OXR1: variants seen among roughly 807,000 people sequenced by gnomAD.
The protein encoded by OXR1 is oxidation resistance protein 1.
OXR1 carries 41 observed loss-of-function variants against 104.6 expected under a neutral mutation model. The ratio of observed to expected loss-of-function variants is 0.39; its 90% confidence interval spans 0.31 to 0.51. The LOEUF (loss-of-function observed/expected upper bound fraction) is 0.51, where lower values mean the gene tolerates loss of function less well. OXR1 is among the 20% of genes least tolerant of loss of function. The pLI is 0.77. For synonymous variants in OXR1, 348 were observed against 348.4 expected (o/e 1.00, Z 0.01); for missense variants, 955 against 1,031.9 (o/e 0.93, Z 1.02).
rs371690690 is a variant in OXR1, at chr8:106,645,518, AG to A, written c.221-33690del. Among the ~76,000 whole-genome samples, 595 of 152,316 alleles carry A rather than the reference AG, an allele frequency of 3.9e-3. 4 individuals carry two copies. The highest frequency in any genetic ancestry group is 0.013 in the African/African-American group (555 of 41,544). On this transcript the variant is annotated intron_variant, in intron 3 of 16. Coordinates refer to ENST00000517566, the MANE Select transcript of OXR1 (RefSeq NM_001198533.2). ...TATATTGCTGTGTCTACTGTTCTCTAGGAAGACTTGAGAATTTAGAGTAGAT... is the reference window on the plus strand; with the variant it reads ...TATATTGCTGTGTCTACTGTTCTCTAGAAGACTTGAGAATTTAGAGTAGAT...
At chr8:106,312,360 T>C (rs2130137022) in intron 1 of OXR1, among the ~76,000 whole-genome samples, 1 of 152,348 alleles carries the variant, frequency 6.6e-6, no homozygotes, top group East Asian at 1.9e-4. Context: ...AAGAGTGTCC[T>C]CAGGGTATGG....
intron 2 of OXR1, among the ~76,000 whole-genome samples, chr8:106,404,087 T>C (rs4734913): frequency 0.29 from 44,091 of 151,886 alleles, 6,552 homozygotes; most frequent in South Asian, 0.39. Context: ...GGTTTTCAGA[T>C]GGGGGTGGAA....
At chr8:106,289,555 A>C (rs1461046585) in intron 1 of OXR1, among the ~76,000 whole-genome samples, 1 of 152,216 alleles carries the variant, frequency 6.6e-6, no homozygotes, top group Non-Finnish European at 1.5e-5. Context: ...CATGGATTGG[A>C]AGAATCAATT....
At chr8:106,721,328 G>A (rs1051936374) in intron 11 of OXR1, among the ~76,000 whole-genome samples, 5 of 151,872 alleles carry the variant, frequency 3.3e-5, no homozygotes, top group African/African-American at 1.2e-4. Context: ...AAAGTATCCA[G>A]TTCTCCTAGG....
intron 2 of OXR1, among the ~76,000 whole-genome samples, chr8:106,396,687 CA>C (rs570694879): frequency 6.6e-6 from 1 of 151,862 alleles, no homozygotes; most frequent in Non-Finnish European, 1.5e-5. Flanking sequence ...TAGGTTGGTG[CA>C]AAAGTAATTG....
intron 3 of OXR1, among the ~76,000 whole-genome samples, chr8:106,635,990 G>A (rs551691929): frequency 2.2e-4 from 33 of 152,246 alleles, no homozygotes; most frequent in South Asian, 1.0e-3. Flanking sequence ...GGCCATTTGC[G>A]TCAGATTTAA....
intron 1 of OXR1, among the ~76,000 whole-genome samples, chr8:106,355,454 C>T (rs571489118): frequency 2.6e-5 from 4 of 151,930 alleles, no homozygotes; most frequent in South Asian, 4.2e-4. Context: ...AAAAAAATCA[C>T]GTCATAAAAA....
intron 1 of OXR1, among the ~76,000 whole-genome samples, chr8:106,306,234 T>C (rs745377096): frequency 6.6e-6 from 1 of 152,118 alleles, no homozygotes; most frequent in Non-Finnish European, 1.5e-5. Flanking sequence ...GCACGTAAGA[T>C]TCAACAATTT....
intron 3 of OXR1, among the ~76,000 whole-genome samples, chr8:106,556,509 G>T (rs1385257242): frequency 2.0e-5 from 3 of 151,998 alleles, no homozygotes; most frequent in Non-Finnish European, 4.4e-5. Flanking sequence ...TGCCTTTATT[G>T]TGTGTGTGTG....
In OXR1 at chr8:106,750,893, G is replaced by A. The variant is rs752173578; in HGVS notation, c.2574G>A (p.Lys858=). Residue 858 remains lysine (K), a synonymous_variant, in exon 17 of 17, where the codon AAG becomes AAA. Coordinates refer to ENST00000517566, the MANE Select transcript of OXR1 (RefSeq NM_001198533.2). The part of the protein sequence containing the change: ...CKTFGNRTLS[K]KEDFFIQDIE... ...CGTTTGGGAATCGTACACTTTCTAA[G>A]AAGGAAGATTTCTTTATCCAAGATA... The A allele has an allele frequency of 1.9e-6, 3 of 1,607,424 alleles. No individual in the cohort carries two copies. In the South Asian group the frequency reaches 3.3e-5, roughly 18 times the overall value.
At chr8:106,398,466 G>A (rs539872619) in intron 2 of OXR1, among the ~76,000 whole-genome samples, 1 of 152,180 alleles carries the variant, frequency 6.6e-6, no homozygotes, top group African/African-American at 2.4e-5. Context: ...CGAGTCAGTT[G>A]CCACATGAGC....
rs768768693 is a variant in OXR1, at chr8:106,692,874, C to T, written c.672C>T (p.Gly224=). ...LKINCKYITS[G]KGTVSGVLLV... is the part of the protein sequence containing the mutation. ...TTAATTGCAAATATATTACCAGTGG[C>T]AAGGTAAAGAATGACACTTTAGAGA... Residue 224 remains glycine (G), a synonymous_variant, in exon 7 of 17, where the codon GGC becomes GGT. Coordinates refer to ENST00000517566, the MANE Select transcript of OXR1 (RefSeq NM_001198533.2). 1 of 1,593,262 alleles carries T rather than the reference C, an allele frequency of 6.3e-7. No homozygotes were observed. The highest frequency in any genetic ancestry group is 1.7e-5 in the Admixed American group (1 of 58,004).
At chr8:106,423,296 A>G (rs545846311) in intron 2 of OXR1, among the ~76,000 whole-genome samples, 149 of 152,188 alleles carry the variant, frequency 9.8e-4, no homozygotes, top group Non-Finnish European at 1.4e-3. Flanking sequence ...CACGATGGAT[A>G]CCCTCAGATG....
intron 1 of OXR1, among the ~76,000 whole-genome samples, chr8:106,293,907 T>C (rs1166463613): frequency 1.3e-5 from 2 of 151,766 alleles, no homozygotes; most frequent in East Asian, 3.9e-4. Context: ...CAAATGAATT[T>C]TGGGGGACAC....
intron 1 of OXR1, among the ~76,000 whole-genome samples, chr8:106,297,419 C>T (rs968775981): frequency 1.3e-5 from 2 of 152,034 alleles, no homozygotes; most frequent in African/African-American, 2.4e-5. Context: ...GTTATGTGAA[C>T]ATCATAGAGT....
rs139974330 is a variant in OXR1 at position 106,607,187 on chromosome 8, T to C, written c.221-72023T>C. On this transcript the variant is annotated intron_variant, in intron 3 of 16. Transcript: ENST00000517566. The stretch of plus-strand genomic sequence containing the variant: ...CTGCTGGGGTATCAACTTATTTACA[T>C]GTAGCTGACTCCTCAGAAGCGGAAC... Among the ~76,000 whole-genome samples the C allele has an allele frequency of 3.1e-4, 47 of 152,324 alleles. 1 individual carries two copies. In the East Asian group the frequency reaches 8.5e-3, roughly 28 times the overall value.
Position 106,478,809 on chromosome 8 carries a change from G to A in OXR1, c.24-40134G>A, listed in dbSNP as rs1027780807. On this transcript the variant is annotated intron_variant, in intron 2 of 16. Coordinates refer to ENST00000517566, the MANE Select transcript of OXR1 (RefSeq NM_001198533.2). Reference sequence around the variant, plus strand: ...TTATGAACTTTAGCAGTAAGAAAAGGTTTTCCTGCAAGCAAGATTTAAAAA... The same window carrying A: ...TTATGAACTTTAGCAGTAAGAAAAGATTTTCCTGCAAGCAAGATTTAAAAA... Among the ~76,000 whole-genome samples, 4 of 151,790 alleles carry A rather than the reference G, an allele frequency of 2.6e-5. No individual in the cohort carries two copies. In the Admixed American group the frequency reaches 2.6e-4, roughly 10 times the overall value.
At chr8:106,397,461 T>A (rs1412956707) in intron 2 of OXR1, among the ~76,000 whole-genome samples, 1 of 152,132 alleles carries the variant, frequency 6.6e-6, no homozygotes, top group Non-Finnish European at 1.5e-5. Flanking sequence ...GCTCAGTTAG[T>A]GGTGGCATTC....
Position 106,450,783 on chromosome 8 carries a change from T to A in OXR1, c.24-68160T>A, listed in dbSNP as rs1411108208. Among the ~76,000 whole-genome samples, 3 of 152,218 alleles carry A rather than the reference T, an allele frequency of 2.0e-5. No homozygotes were observed. The East Asian group carries it at 5.8e-4, about 29-fold the overall frequency. ...AGGGTGCTTTTTTTTTTTTTAAGTT[T>A]TAGTTTTAAGGCAAAGCAAAGCTTT... On this transcript the variant is annotated intron_variant, in intron 2 of 16. Coordinates refer to ENST00000517566, the MANE Select transcript of OXR1 (RefSeq NM_001198533.2).
Sources: gnomAD v4.1 joint callset for allele counts (sites outside exome capture counted in the v4.1 genomes callset) on GRCh38, gnomAD v4.1.1 for gene constraint, MANE v1.5 for transcripts, NCBI Gene and HGNC (gene_info 2026-07-23, HGNC 2026-07-21) for gene names.